Variants in ACBD6 observed in about 807,000 individuals in gnomAD.
ACBD6 encodes acyl-CoA binding domain containing 6, also known as acyl-CoA-binding domain-containing protein 6.
Under a neutral mutation model 37.2 loss-of-function variants are expected in ACBD6, and 28 were observed. The observed-to-expected ratio is 0.75, with a 90% CI of 0.56 to 1.03. The LOEUF is 1.03. ACBD6 is among the 50% of genes least tolerant of loss of function. The pLI is 0.00. For missense variants in ACBD6, 340 were observed against 337.4 expected (o/e 1.01, Z -0.06); for synonymous variants, 113 against 126.8 (o/e 0.89, Z 0.73).
chr1:180,417,787 A>G (rs1014952063), intron 4 of ACBD6, among the ~76,000 whole-genome samples: 1 of 152,138 alleles, frequency 6.6e-6, no homozygotes, highest in African/African-American at 2.4e-5. Context: ...GTTCCTTTGG[A>G]GGTAGTCTTT....
In ACBD6 at chr1:180,375,979, A is replaced by C. The variant is rs183075635; in HGVS notation, c.663+21537T>G. On this transcript the variant is annotated intron_variant, in intron 6 of 7. Transcript: ENST00000367595. Reference sequence around the variant, plus strand: ...ATGGTATATAAAGAACTCTGAAAAAACTGAGTCACAAAAGGCCAAAAACCT... The same window carrying C: ...ATGGTATATAAAGAACTCTGAAAAACCTGAGTCACAAAAGGCCAAAAACCT... Among the ~76,000 whole-genome samples, 33 of 152,320 alleles carry C rather than the reference A, an allele frequency of 2.2e-4. No homozygotes were observed. The East Asian group carries it at 4.6e-3, about 21-fold the overall frequency.
chr1:180,435,381 T>C (rs1198234207), intron 3 of ACBD6: 2 of 405,472 alleles, frequency 4.9e-6, no homozygotes, highest in South Asian at 2.7e-5. Flanking sequence ...CCCAAGTAAC[T>C]GGGACTACAG....
intron 7 of ACBD6, among the ~76,000 whole-genome samples, chr1:180,307,887 G>T (rs1246737690): frequency 6.6e-6 from 1 of 152,142 alleles, no homozygotes; most frequent in Non-Finnish European, 1.5e-5. Context: ...CCTGGGAGGC[G>T]GAGGGTGCAG....
chr1:180,476,605 C>A (rs1357292565), intron 3 of ACBD6, among the ~76,000 whole-genome samples: 1 of 152,172 alleles, frequency 6.6e-6, no homozygotes, highest in African/African-American at 2.4e-5. Flanking sequence ...GCAGGCGGAT[C>A]ACCTGAGGTC....
chr1:180,364,533 A>G (rs1322993220), intron 6 of ACBD6, among the ~76,000 whole-genome samples: 1 of 152,160 alleles, frequency 6.6e-6, no homozygotes, highest in Non-Finnish European at 1.5e-5. Flanking sequence ...AACGAGAGTG[A>G]GTTATAGGTA....
At chr1:180,419,051 A>C (rs1648235213) in intron 4 of ACBD6, among the ~76,000 whole-genome samples, 1 of 152,192 alleles carries the variant, frequency 6.6e-6, no homozygotes, top group Non-Finnish European at 1.5e-5. Flanking sequence ...GGAGATCGAG[A>C]CCATCCTCGC....
At chr1:180,484,581 T>C (rs1188822085) in intron 3 of ACBD6, among the ~76,000 whole-genome samples, 1 of 152,176 alleles carries the variant, frequency 6.6e-6, no homozygotes, top group Admixed American at 6.5e-5. Context: ...GGTATGAATA[T>C]AAACTTATGG....
intron 3 of ACBD6, among the ~76,000 whole-genome samples, chr1:180,432,328 T>C (rs2102000149): frequency 6.6e-6 from 1 of 152,152 alleles, no homozygotes; most frequent in South Asian, 2.1e-4. Context: ...AGCCATAAAC[T>C]GAAAGAAAAT....
rs1466537453 is a variant in ACBD6, at chr1:180,343,075, G to C, written c.664-28353C>G. ...GAAACTATTCTAATGAATTAAAATAGGTTATATGTTTGAAATCTTTTAAAT... is the reference window on the plus strand; with the variant it reads ...GAAACTATTCTAATGAATTAAAATACGTTATATGTTTGAAATCTTTTAAAT... On this transcript the variant is annotated intron_variant, in intron 6 of 7. Coordinates refer to ENST00000367595, the MANE Select transcript of ACBD6 (RefSeq NM_032360.4). Among the ~76,000 whole-genome samples, 3 of 151,848 alleles carry C rather than the reference G, an allele frequency of 2.0e-5. No homozygotes were observed. In the East Asian group the frequency reaches 5.8e-4, roughly 29 times the overall value.
intron 6 of ACBD6, among the ~76,000 whole-genome samples, chr1:180,338,468 T>C (rs1410445473): frequency 6.6e-6 from 1 of 152,228 alleles, no homozygotes; most frequent in Non-Finnish European, 1.5e-5. Context: ...GAAAACTGGC[T>C]AGCCATATGT....
At chr1:180,308,619 C>T (rs998776768) in intron 7 of ACBD6, among the ~76,000 whole-genome samples, 1 of 152,186 alleles carries the variant, frequency 6.6e-6, no homozygotes, top group African/African-American at 2.4e-5. Context: ...AATCTCTACC[C>T]CTTTGCCTCC....
At chr1:180,454,955 A>G (rs10913999) in intron 3 of ACBD6, among the ~76,000 whole-genome samples, 16,308 of 152,178 alleles carry the variant, frequency 0.11, 1,278 homozygotes, top group African/African-American at 0.21. Flanking sequence ...TGTGGAAGTC[A>G]GTGTGGCGAT....
intron 3 of ACBD6, among the ~76,000 whole-genome samples, chr1:180,485,328 T>A (rs1352105278): frequency 6.6e-6 from 1 of 152,192 alleles, no homozygotes; most frequent in East Asian, 1.9e-4. Context: ...CAAAAAGGTA[T>A]GCCCAAATCT....
chr1:180,391,897 A>G (rs1335408378), intron 6 of ACBD6, among the ~76,000 whole-genome samples: 1 of 152,110 alleles, frequency 6.6e-6, no homozygotes, highest in East Asian at 1.9e-4. Flanking sequence ...CTGAAGGAAA[A>G]AAAAGACACC....
intron 6 of ACBD6, among the ~76,000 whole-genome samples, chr1:180,348,034 A>G (rs16855839): frequency 1.1e-3 from 175 of 152,328 alleles, no homozygotes; most frequent in African/African-American, 4.2e-3. Context: ...CCATCTTTAA[A>G]TACTGTATGT....
At chr1:180,301,492 G>C (rs1650128879) in intron 7 of ACBD6, among the ~76,000 whole-genome samples, 1 of 152,156 alleles carries the variant, frequency 6.6e-6, no homozygotes, top group Non-Finnish European at 1.5e-5. Context: ...GTACTGTACT[G>C]TATTTATTGA....
At chr1:180,316,311 A>AGT (rs142767435) in intron 6 of ACBD6, among the ~76,000 whole-genome samples, 2,985 of 150,082 alleles carry the variant, frequency 0.02, 96 homozygotes, top group African/African-American at 0.067. Context: ...AATCAATGAA[A>AGT]GTGTGTGTGT....
intron 7 of ACBD6, among the ~76,000 whole-genome samples, chr1:180,306,094 GT>G (rs1650350131): frequency 8.3e-6 from 1 of 120,600 alleles, no homozygotes; most frequent in Non-Finnish European, 1.6e-5. Context: ...CCCGGGGACT[GT>G]TGTGGGGTGG....
chr1:180,380,636 G>A (rs1653606525), intron 6 of ACBD6, among the ~76,000 whole-genome samples: 1 of 150,642 alleles, frequency 6.6e-6, no homozygotes, highest in African/African-American at 2.4e-5. Flanking sequence ...GGTTAAGGGA[G>A]TCCTACACCC....
Sources: gnomAD v4.1 joint callset for allele counts (sites outside exome capture counted in the v4.1 genomes callset) on GRCh38, gnomAD v4.1.1 for gene constraint, MANE v1.5 for transcripts, NCBI Gene and HGNC (gene_info 2026-07-23, HGNC 2026-07-21) for gene names.